The following RNF111 variants were observed in gnomAD, a reference collection of about 807,000 sequenced individuals.
RNF111 encodes ring finger protein 111.
Under a neutral mutation model 95.1 loss-of-function variants are expected in RNF111, and 17 were observed. The ratio of observed to expected loss-of-function variants is 0.18; its 90% CI spans 0.12 to 0.27. The LOEUF (loss-of-function observed/expected upper bound fraction) is 0.27. Ranked by LOEUF, RNF111 falls within the 10% of genes least tolerant of loss-of-function variation. The pLI, the probability that RNF111 is intolerant of heterozygous loss-of-function variation, is 1.00. For synonymous variants in RNF111, 440 were observed against 414.8 expected, an observed-to-expected ratio of 1.06 and a Z score of -0.74; for missense variants, 1,189 against 1,210.4, an observed-to-expected ratio of 0.98 and a Z score of 0.26.
At chr15:59,023,119 G>A (rs183888257) in intron 1 of RNF111, among the ~76,000 whole-genome samples, 230 of 152,200 alleles carry the variant, frequency 1.5e-3, no homozygotes, top group African/African-American at 5.1e-3. Flanking sequence ...ATGGTGGTGC[G>A]TGTCTGTAAT....
chr15:59,058,775 T>C (rs374162207), intron 5 of RNF111: 4 of 454,102 alleles, frequency 8.8e-6, no homozygotes, highest in African/African-American at 5.8e-5. Flanking sequence ...ATAAGAGAGC[T>C]TGGGGAGAAG....
At chr15:59,041,221 T>G (rs1298757484) in intron 2 of RNF111, among the ~76,000 whole-genome samples, 3 of 152,214 alleles carry the variant, frequency 2.0e-5, no homozygotes, top group Admixed American at 6.5e-5. Flanking sequence ...GATGAACAGT[T>G]TGCAGACTTT....
At position 59,082,725 on chromosome 15, in the gene RNF111, G is replaced by C. The variant is rs574993779; in HGVS notation, c.2298-1404G>C. On this transcript the variant is annotated intron_variant, in intron 8 of 13. Transcript: ENST00000348370. ...GCCTGTAGAGCTGAAAAAATTTCCC[G>C]TTTTACCCTTCACATAACCTGTTTG... is the stretch of plus-strand genomic sequence containing the variant. Among the ~76,000 whole-genome samples the C allele has an allele frequency of 1.7e-4, 26 of 152,182 alleles. No individual in the cohort carries two copies. In the South Asian group the frequency reaches 1.9e-3, roughly 11 times the overall value.
chr15:59,053,172 G>A (rs1171203287), intron 3 of RNF111, among the ~76,000 whole-genome samples: 2 of 151,886 alleles, frequency 1.3e-5, no homozygotes, highest in Middle Eastern at 3.2e-3. Flanking sequence ...TAATTTTATC[G>A]GTGCTCTGAA....
At chr15:59,024,063 G>C (rs2040479968) in intron 1 of RNF111, among the ~76,000 whole-genome samples, 1 of 152,016 alleles carries the variant, frequency 6.6e-6, no homozygotes, top group Admixed American at 6.5e-5. Context: ...CTCTTTTAAG[G>C]ACCTGATTAT....
chr15:59,084,814 TC>T (rs2078851355), intron 9 of RNF111, among the ~76,000 whole-genome samples: 1 of 151,982 alleles, frequency 6.6e-6, no homozygotes, highest in Non-Finnish European at 1.5e-5. Context: ...AACATGCTAC[TC>T]TCTCCTGTGA....
chr15:58,990,598 G>A (rs1266958015), intron 1 of RNF111, among the ~76,000 whole-genome samples: 1 of 152,130 alleles, frequency 6.6e-6, no homozygotes, highest in Non-Finnish European at 1.5e-5. Context: ...TGCAGTAAGC[G>A]GAGATCGTGC....
intron 2 of RNF111, among the ~76,000 whole-genome samples, chr15:59,047,313 T>A (rs1213561155): frequency 1.3e-5 from 2 of 152,056 alleles, no homozygotes; most frequent in Non-Finnish European, 2.9e-5. Context: ...CTGAGCAACA[T>A]ATGAGATCTC....
At chr15:59,004,677 T>C (rs1237811884) in intron 1 of RNF111, among the ~76,000 whole-genome samples, 3 of 152,150 alleles carry the variant, frequency 2.0e-5, no homozygotes, top group Non-Finnish European at 2.9e-5. Context: ...AAAGCAAAAA[T>C]GGCATTTAGT....
Position 59,091,874 on chromosome 15 carries a change from A to G in RNF111, c.2740-663A>G, listed in dbSNP as rs148770319. Among the ~76,000 whole-genome samples the G allele has an allele frequency of 4.3e-3, 656 of 152,224 alleles. 10 individuals carry two copies. The highest frequency in any genetic ancestry group is 0.015 in the African/African-American group (616 of 41,520). On this transcript the variant is annotated intron_variant, in intron 12 of 13. Coordinates refer to ENST00000348370, the MANE Select transcript of RNF111 (RefSeq NM_017610.8). ...GGAGCATGCAACCTAGATCCCTCACATGCACAGTTTACAATAGGGTTCACG... is the reference window on the plus strand; with the variant it reads ...GGAGCATGCAACCTAGATCCCTCACGTGCACAGTTTACAATAGGGTTCACG...
chr15:59,058,733 G>A, intron 5 of RNF111, 183 bp downstream of exon 5: 1 of 595,528 alleles, frequency 1.7e-6, no homozygotes, highest in Non-Finnish European at 2.9e-6. Context: ...TTGAGTTTGT[G>A]TGCTATATGT....
intron 11 of RNF111, 140 bp downstream of exon 11, chr15:59,089,899 G>A (rs1051907391): frequency 5.3e-6 from 3 of 563,908 alleles, no homozygotes; most frequent in Non-Finnish European, 9.4e-6. Flanking sequence ...GCTTCTGGGA[G>A]TTACAGAAAT....
chr15:59,063,748 A>G (rs1480976772), intron 5 of RNF111, among the ~76,000 whole-genome samples: 2 of 152,200 alleles, frequency 1.3e-5, no homozygotes, highest in Non-Finnish European at 1.5e-5. Flanking sequence ...CTGAACAGAT[A>G]CATGTCATAT....
chr15:59,009,989 A>G (rs150535891), intron 1 of RNF111, among the ~76,000 whole-genome samples: 1 of 152,228 alleles, frequency 6.6e-6, no homozygotes, highest in Non-Finnish European at 1.5e-5. Context: ...TGATTTTGCT[A>G]AATTGTAAGT....
intron 12 of RNF111, among the ~76,000 whole-genome samples, chr15:59,092,123 A>G (rs917375012): frequency 6.6e-6 from 1 of 152,238 alleles, no homozygotes; most frequent in Non-Finnish European, 1.5e-5. Flanking sequence ...TATTACCAGT[A>G]CATTCAAGTT....
At chr15:59,034,199 T>C (rs1338757528) in intron 2 of RNF111, among the ~76,000 whole-genome samples, 1 of 152,224 alleles carries the variant, frequency 6.6e-6, no homozygotes, top group African/African-American at 2.4e-5. Context: ...TCCCTTTGTA[T>C]GGATGTTCCA....
chr15:58,991,264 T>C (rs546176708), intron 1 of RNF111, among the ~76,000 whole-genome samples: 1 of 151,994 alleles, frequency 6.6e-6, no homozygotes, highest in Non-Finnish European at 1.5e-5. Context: ...CACTCCAGCC[T>C]GGGTGACAGA....
At chr15:59,033,078 A>T (rs1195923306) in intron 2 of RNF111, among the ~76,000 whole-genome samples, 1 of 152,240 alleles carries the variant, frequency 6.6e-6, no homozygotes, top group African/African-American at 2.4e-5. Context: ...GAGGGAAAAG[A>T]TTAATTTCTT....
At chr15:59,083,710 G>A (rs1267330633) in intron 8 of RNF111, among the ~76,000 whole-genome samples, 10 of 151,956 alleles carry the variant, frequency 6.6e-5, no homozygotes, top group Admixed American at 6.6e-4. Flanking sequence ...CAAAATTAAG[G>A]TTTCAATGTG....
Sources: gnomAD v4.1 joint callset for allele counts (sites outside exome capture counted in the v4.1 genomes callset) on GRCh38, gnomAD v4.1.1 for gene constraint, MANE v1.5 for transcripts, NCBI Gene and HGNC (gene_info 2026-07-23, HGNC 2026-07-21) for gene names.